Variants in ABCD2 observed in about 807,000 individuals in gnomAD.
ABCD2 encodes the protein ATP-binding cassette sub-family D member 2.
Under a neutral mutation model 70.9 loss-of-function variants are expected in ABCD2, and 36 were observed. The observed-to-expected ratio is 0.51, with a 90% CI of 0.39 to 0.67. The LOEUF (loss-of-function observed/expected upper bound fraction) is 0.67. Among genes scored for constraint, ABCD2 ranks in the 30% least tolerant of loss-of-function variants. The pLI is 0.00. For synonymous variants in ABCD2, 304 were observed against 306.9 expected, an observed-to-expected ratio of 0.99 and a Z score of 0.10; for missense variants, 729 against 890.2, an observed-to-expected ratio of 0.82 and a Z score of 2.30.
chr12:39,544,562 G>A, the ABCD2 span, among the ~76,000 whole-genome samples: 1 of 152,182 alleles, frequency 6.6e-6, no homozygotes, highest in African/African-American at 2.4e-5. Context: ...ACAGCTTGGA[G>A]GTTAGAAGCA....
the ABCD2 span, among the ~76,000 whole-genome samples, chr12:39,535,482 A>AT: frequency 6.6e-6 from 1 of 152,226 alleles, no homozygotes; most frequent in Non-Finnish European, 1.5e-5. Flanking sequence ...TTTGTAGATT[A>AT]TTTTTGTTAA....
At chr12:39,557,309 C>G (rs1941183431) in intron 9 of ABCD2, among the ~76,000 whole-genome samples, 1 of 152,056 alleles carries the variant, frequency 6.6e-6, no homozygotes, top group African/African-American at 2.4e-5. Flanking sequence ...ATGATTTAGG[C>G]AGAAGAAATT....
At chr12:39,538,385 G>C in the ABCD2 span, among the ~76,000 whole-genome samples, 2 of 152,014 alleles carry the variant, frequency 1.3e-5, no homozygotes, top group Non-Finnish European at 2.9e-5. Context: ...ATGTTGGCCA[G>C]TCTGGTCTCA....
chr12:39,554,262 G>A (rs1215452532), intron 9 of ABCD2, 131 bp from the exon 10 acceptor site: 2 of 833,176 alleles, frequency 2.4e-6, no homozygotes, highest in Non-Finnish European at 1.8e-6. Flanking sequence ...GAGTTTTAAG[G>A]ACATATCAAA....
the ABCD2 span, among the ~76,000 whole-genome samples, chr12:39,541,348 C>A: frequency 3.3e-3 from 501 of 152,088 alleles, 2 homozygotes; most frequent in African/African-American, 0.011. Context: ...GAACTGCAAT[C>A]TGAAGAAAAA....
chr12:39,589,350 A>G lies in ABCD2; in HGVS notation c.1647-3053T>C, dbSNP rs192889005. Reference sequence around the variant, plus strand: ...GTTCATATAAGAAGACTTTGCAATGAAATTATTACAAATATAAGGAAGCTT... The same window carrying G: ...GTTCATATAAGAAGACTTTGCAATGGAATTATTACAAATATAAGGAAGCTT... On this transcript the variant is annotated intron_variant, in intron 6 of 9. Coordinates refer to ENST00000308666, the MANE Select transcript of ABCD2 (RefSeq NM_005164.4). Among the ~76,000 whole-genome samples, 217 of 151,680 alleles carry G rather than the reference A, an allele frequency of 1.4e-3. 1 individual carries two copies. Among genetic ancestry groups the G allele is most frequent in the African/African-American group, 5.1e-3 (210 of 41,438 alleles).
chr12:39,605,873 C>G (rs1315835135), intron 3 of ABCD2, among the ~76,000 whole-genome samples: 1 of 152,062 alleles, frequency 6.6e-6, no homozygotes, highest in Non-Finnish European at 1.5e-5. Flanking sequence ...TCTGTGTATG[C>G]AAAACATAAG....
intron 7 of ABCD2, among the ~76,000 whole-genome samples, chr12:39,580,662 T>C (rs1448687094): frequency 2.0e-5 from 3 of 152,160 alleles, no homozygotes; most frequent in African/African-American, 7.2e-5. Context: ...GTTCCACTGC[T>C]GGAGAGTCTG....
chr12:39,568,533 T>A lies in ABCD2; in HGVS notation c.2003+5183A>T, dbSNP rs562172591. Among the ~76,000 whole-genome samples, 15 of 152,276 alleles carry A rather than the reference T, an allele frequency of 9.9e-5. No individual in the cohort carries two copies. In the South Asian group the frequency reaches 2.9e-3, roughly 29 times the overall value. ...TTTTCTAGCTAGCCATTCGTCTAAT[T>A]TTTTTTCAAGGTTTTTAACTTGTTT... On this transcript the variant is annotated intron_variant, in intron 9 of 9. Transcript: ENST00000308666.
intron 6 of ABCD2, among the ~76,000 whole-genome samples, chr12:39,589,689 A>G (rs1187861033): frequency 2.0e-5 from 3 of 152,086 alleles, no homozygotes; most frequent in East Asian, 1.9e-4. Flanking sequence ...ACCCAGCCCT[A>G]TCTGAGCTAT....
At chr12:39,583,007 G>T (rs998031064) in intron 7 of ABCD2, among the ~76,000 whole-genome samples, 1 of 152,132 alleles carries the variant, frequency 6.6e-6, no homozygotes, top group East Asian at 1.9e-4. Context: ...CTACAGGGGT[G>T]TGCCACCATT....
intron 2 of ABCD2, among the ~76,000 whole-genome samples, chr12:39,615,609 G>C (rs1432000852): frequency 6.6e-6 from 1 of 151,812 alleles, no homozygotes; most frequent in Non-Finnish European, 1.5e-5. Flanking sequence ...GTTCATTTGT[G>C]AAGTATAATT....
At position 39,567,182 on chromosome 12, in the gene ABCD2, TG is replaced by T. The variant is rs547875899; in HGVS notation, c.2003+6533del. Among the ~76,000 whole-genome samples, 967 of 152,342 alleles carry T rather than the reference TG, an allele frequency of 6.3e-3. 4 individuals are homozygous for T. The highest frequency in any genetic ancestry group is 0.011 in the Non-Finnish European group (765 of 68,034). On this transcript the variant is annotated intron_variant, in intron 9 of 9. Coordinates refer to ENST00000308666, the MANE Select transcript of ABCD2 (RefSeq NM_005164.4). ...CAGAGCTGAGTTCAATTCCTGGATA[TG>T]CTTGTTAACTTTCTGTCTCATTGAT...
intron 9 of ABCD2, among the ~76,000 whole-genome samples, chr12:39,562,453 GA>G (rs1279642958): frequency 2.6e-5 from 4 of 151,138 alleles, no homozygotes; most frequent in African/African-American, 4.8e-5. Flanking sequence ...TCTAGAATAA[GA>G]AAAAAGAAAG....
the ABCD2 span, among the ~76,000 whole-genome samples, chr12:39,536,892 A>G: frequency 6.8e-3 from 1,031 of 152,294 alleles, 6 homozygotes; most frequent in South Asian, 0.025. Context: ...CATTGCAAAC[A>G]CTACCCATGA....
At chr12:39,568,266 T>A (rs1452209528) in intron 9 of ABCD2, among the ~76,000 whole-genome samples, 3 of 152,218 alleles carry the variant, frequency 2.0e-5, no homozygotes, top group Non-Finnish European at 2.9e-5. Context: ...GGTACACCAA[T>A]CAGATGTAGA....
At chr12:39,598,787 T>A (rs1941856242) in intron 6 of ABCD2, among the ~76,000 whole-genome samples, 1 of 152,198 alleles carries the variant, frequency 6.6e-6, no homozygotes, top group African/African-American at 2.4e-5. Flanking sequence ...TTCTTTTACA[T>A]CATAAAAACG....
intron 7 of ABCD2, among the ~76,000 whole-genome samples, chr12:39,581,223 C>T (rs1941591446): frequency 6.6e-6 from 1 of 152,046 alleles, no homozygotes; most frequent in Non-Finnish European, 1.5e-5. Context: ...TTTAAAAATG[C>T]CCTTTCATTT....
chr12:39,536,990 T>A, the ABCD2 span, among the ~76,000 whole-genome samples: 1 of 152,170 alleles, frequency 6.6e-6, no homozygotes, highest in Non-Finnish European at 1.5e-5. Flanking sequence ...CATTACCAAA[T>A]GTGCCTAAAC....
Sources: gnomAD v4.1 joint callset for allele counts (sites outside exome capture counted in the v4.1 genomes callset) on GRCh38, gnomAD v4.1.1 for gene constraint, MANE v1.5 for transcripts, NCBI Gene and HGNC (gene_info 2026-07-23, HGNC 2026-07-21) for gene names.